TENM3: variants seen among roughly 807,000 people sequenced by gnomAD.
TENM3 encodes teneurin-3.
Under a neutral mutation model 255.1 loss-of-function variants are expected in TENM3, and 63 were observed. That is an observed-to-expected ratio of 0.25 (90% CI 0.20 to 0.30). TENM3 has a LOEUF of 0.30. Among genes scored for constraint, TENM3 ranks in the 10% least tolerant of loss-of-function variants. The pLI is 1.00. For synonymous variants in TENM3, 1,306 were observed against 1,322.3 expected, an observed-to-expected ratio of 0.99 and a Z score of 0.27; for missense variants, 2,929 against 3,461.1, an observed-to-expected ratio of 0.85 and a Z score of 3.86.
chr4:181,876,195 A>G, the TENM3 span, among the ~76,000 whole-genome samples: 1 of 152,232 alleles, frequency 6.6e-6, no homozygotes, highest in African/African-American at 2.4e-5. Context: ...CAAGTTATAT[A>G]TCATATTGAG....
At chr4:181,570,138 C>T in the TENM3 span, among the ~76,000 whole-genome samples, 11 of 151,380 alleles carry the variant, frequency 7.3e-5, no homozygotes, top group South Asian at 8.4e-4. Flanking sequence ...CTCCGCCTCC[C>T]GGGTTCACGC....
At chr4:181,792,498 C>T in the TENM3 span, among the ~76,000 whole-genome samples, 2,617 of 152,068 alleles carry the variant, frequency 0.017, 61 homozygotes, top group African/African-American at 0.06. Flanking sequence ...TAGGTCCTGT[C>T]AACATAGATT....
At chr4:182,198,695 G>A (rs138309955) in intron 1 of TENM3, among the ~76,000 whole-genome samples, 3 of 152,336 alleles carry the variant, frequency 2.0e-5, no homozygotes, top group East Asian at 3.9e-4. Flanking sequence ...CAGGTAGTGC[G>A]GAGTGGATGC....
intron 1 of TENM3, among the ~76,000 whole-genome samples, chr4:182,147,890 C>T (rs776113827): frequency 2.2e-4 from 34 of 152,094 alleles, no homozygotes; most frequent in Non-Finnish European, 4.6e-4. Context: ...CACAATATTA[C>T]GTTATTTAAA....
chr4:182,681,713 T>A, intron 10 of TENM3, 101 bp from the exon 11 acceptor site: 1 of 852,404 alleles, frequency 1.2e-6, no homozygotes, highest in African/African-American at 1.7e-5. Context: ...TATTTGATTT[T>A]CCAAAATGTT....
Position 182,801,106 on chromosome 4 carries a change from A to G in TENM3, c.*755A>G, listed in dbSNP as rs75291894. 5.3e-3 allele frequency: 806 copies of G among 152,738 alleles called. 19 individuals carry two copies. In the East Asian group the frequency reaches 0.056, roughly 11 times the overall value. 9.5% of individuals were successfully genotyped at this position (152,738 alleles called of 1,614,324 possible). On this transcript the variant is annotated 3_prime_UTR_variant, in exon 28 of 28. Transcript: ENST00000511685. ...GTAAAGTGTTTAAAAATTTATACTTAAAAATAAAATGATAAAAACGTGAAC... is the reference window on the plus strand; with the variant it reads ...GTAAAGTGTTTAAAAATTTATACTTGAAAATAAAATGATAAAAACGTGAAC...
chr4:182,482,578 A>G (rs980284850), intron 3 of TENM3, among the ~76,000 whole-genome samples: 1 of 152,234 alleles, frequency 6.6e-6, no homozygotes, highest in South Asian at 2.1e-4. Flanking sequence ...AAAAATTGAA[A>G]ATAAAATGAG....
intron 3 of TENM3, among the ~76,000 whole-genome samples, chr4:182,576,923 G>T (rs1294599681): frequency 6.6e-6 from 1 of 152,114 alleles, no homozygotes; most frequent in African/African-American, 2.4e-5. Context: ...ACAAGGCAAG[G>T]CCCATGAAAA....
At chr4:181,974,180 A>G in the TENM3 span, among the ~76,000 whole-genome samples, 1 of 152,170 alleles carries the variant, frequency 6.6e-6, no homozygotes, top group East Asian at 1.9e-4. Flanking sequence ...TAGGAGCATA[A>G]TCTTGGCATG....
intron 4 of TENM3, among the ~76,000 whole-genome samples, chr4:182,608,721 C>G (rs1484036487): frequency 2.6e-5 from 4 of 152,112 alleles, no homozygotes; most frequent in Non-Finnish European, 5.9e-5. Context: ...GGGCTAGGAC[C>G]CAGCACTGGC....
the TENM3 span, among the ~76,000 whole-genome samples, chr4:181,816,012 A>G: frequency 6.6e-6 from 1 of 152,172 alleles, no homozygotes; most frequent in African/African-American, 2.4e-5. Context: ...TTGTTCATTC[A>G]TATCTTTCCA....
At chr4:182,309,431 T>C (rs780422815) in intron 1 of TENM3, among the ~76,000 whole-genome samples, 4 of 152,116 alleles carry the variant, frequency 2.6e-5, no homozygotes, top group Non-Finnish European at 4.4e-5. Flanking sequence ...TACTTGGGGG[T>C]AGTTACCAGG....
In TENM3 at chr4:182,800,721, C is replaced by A; in HGVS notation, c.*370C>A. 1 of 165,138 alleles carries A rather than the reference C, an allele frequency of 6.1e-6. No homozygotes were observed. Among genetic ancestry groups the A allele is most frequent in the Non-Finnish European group, 1.3e-5 (1 of 75,796 alleles). 10.2% of individuals were successfully genotyped at this position (165,138 alleles called of 1,614,324 possible). The stretch of plus-strand genomic sequence containing the variant: ...TGTGTACAGTGTTTCCAAATAGTCC[C>A]GAATTGTCGACCTTTGCTTACAAGA... On this transcript the variant is annotated 3_prime_UTR_variant, in exon 28 of 28. Transcript: ENST00000511685.
At chr4:181,769,138 C>T in the TENM3 span, among the ~76,000 whole-genome samples, 5 of 152,130 alleles carry the variant, frequency 3.3e-5, no homozygotes, top group Admixed American at 6.6e-5. Flanking sequence ...TCGTTTAAGT[C>T]AGCTTTACTC....
the TENM3 span, among the ~76,000 whole-genome samples, chr4:181,862,186 A>G: frequency 6.6e-6 from 1 of 152,084 alleles, no homozygotes; most frequent in Non-Finnish European, 1.5e-5. Context: ...CTTAAAAAGG[A>G]GCAGGATAAT....
At chr4:181,614,292 C>T in the TENM3 span, among the ~76,000 whole-genome samples, 1 of 152,232 alleles carries the variant, frequency 6.6e-6, no homozygotes, top group East Asian at 1.9e-4. Context: ...CTCCTGCAAA[C>T]TGCCTGCCTA....
chr4:181,812,768 A>C, the TENM3 span, among the ~76,000 whole-genome samples: 1 of 152,190 alleles, frequency 6.6e-6, no homozygotes, highest in East Asian at 1.9e-4. Context: ...AATTTCAGGG[A>C]TCCAGAGGAA....
chr4:182,632,853 T>C (rs1751506340), intron 5 of TENM3, among the ~76,000 whole-genome samples: 2 of 151,938 alleles, frequency 1.3e-5, no homozygotes, highest in Non-Finnish European at 2.9e-5. Flanking sequence ...AGACAGGTTC[T>C]CACTCTGTTT....
the TENM3 span, among the ~76,000 whole-genome samples, chr4:182,088,456 C>T: frequency 1.3e-5 from 2 of 152,172 alleles, no homozygotes; most frequent in Admixed American, 6.5e-5. Context: ...TCTCCCCAAC[C>T]TTTCAACAGA....
Sources: allele counts gnomAD v4.1 joint callset (sites outside exome capture counted in the v4.1 genomes callset), GRCh38; gene constraint gnomAD v4.1.1; transcripts MANE v1.5; gene names NCBI Gene and HGNC (gene_info 2026-07-23, HGNC 2026-07-21).